The following ADGRV1 variants were observed in gnomAD, a reference collection of about 807,000 sequenced individuals.
The protein encoded by ADGRV1 is adhesion G protein-coupled receptor V1.
In ADGRV1, 359 loss-of-function variants were observed where a neutral mutation model predicts 596.2. The ratio of observed to expected loss-of-function variants is 0.60; its 90% CI spans 0.55 to 0.66. ADGRV1 has a LOEUF of 0.66. Ranked by LOEUF, ADGRV1 falls within the 30% of genes least tolerant of loss-of-function variation. The pLI, the probability that ADGRV1 is intolerant of heterozygous loss-of-function variation, is 0.00. For missense variants in ADGRV1, 7,274 were observed against 7,575.6 expected, an observed-to-expected ratio of 0.96 and a Z score of 1.48; for synonymous variants, 2,681 against 2,679.2, an observed-to-expected ratio of 1.00 and a Z score of -0.02.
At chr5:90,820,488 T>C (rs1763375231) in intron 75 of ADGRV1, among the ~76,000 whole-genome samples, 2 of 152,184 alleles carry the variant, frequency 1.3e-5, no homozygotes, top group Non-Finnish European at 2.9e-5. Flanking sequence ...TGCTCATTAG[T>C]TGATGCAGTT....
At chr5:90,911,250 C>A (rs1259159534) in intron 83 of ADGRV1, among the ~76,000 whole-genome samples, 4 of 152,060 alleles carry the variant, frequency 2.6e-5, no homozygotes, top group African/African-American at 9.7e-5. Context: ...AATGAGAATT[C>A]TATTTTTAAC....
intron 25 of ADGRV1, among the ~76,000 whole-genome samples, chr5:90,677,095 G>A (rs1744331307): frequency 6.6e-6 from 1 of 152,050 alleles, no homozygotes; most frequent in Admixed American, 6.6e-5. Context: ...AGATGATATG[G>A]TGTTTATCAG....
At chr5:90,809,071 C>T (rs112473987) in intron 73 of ADGRV1, among the ~76,000 whole-genome samples, 61 of 151,702 alleles carry the variant, frequency 4.0e-4, no homozygotes, top group African/African-American at 1.4e-3. Context: ...CTCAGCCTCC[C>T]GAGTAGCTGG....
chr5:90,983,923 C>T (rs1780283239), intron 84 of ADGRV1, among the ~76,000 whole-genome samples: 1 of 152,136 alleles, frequency 6.6e-6, no homozygotes, highest in Non-Finnish European at 1.5e-5. Flanking sequence ...GTAAATAAAA[C>T]ATCTGAAAGC....
At chr5:91,097,665 A>C (rs1790992739) in intron 86 of ADGRV1, among the ~76,000 whole-genome samples, 1 of 152,144 alleles carries the variant, frequency 6.6e-6, no homozygotes, top group Non-Finnish European at 1.5e-5. Context: ...TTTCCACGGC[A>C]GTTGTGCCAT....
At chr5:90,767,486 T>A (rs951463107) in intron 59 of ADGRV1, among the ~76,000 whole-genome samples, 2 of 152,106 alleles carry the variant, frequency 1.3e-5, no homozygotes, top group African/African-American at 4.8e-5. Flanking sequence ...AGAGACTATA[T>A]AAATGTCGAC....
chr5:91,060,359 C>T (rs867768524), intron 85 of ADGRV1, among the ~76,000 whole-genome samples: 2 of 144,782 alleles, frequency 1.4e-5, no homozygotes, highest in Non-Finnish European at 3.0e-5. Context: ...CCATGCCTGG[C>T]AATTTTATAT....
At chr5:90,681,170 G>A in intron 26 of ADGRV1, 145 bp from the exon 27 acceptor site, 1 of 841,576 alleles carries the variant, frequency 1.2e-6, no homozygotes. Context: ...ACCCATTTGT[G>A]TCTGCCTTTC....
intron 60 of ADGRV1, among the ~76,000 whole-genome samples, chr5:90,774,826 A>G (rs1459849794): frequency 1.3e-5 from 2 of 152,186 alleles, no homozygotes; most frequent in African/African-American, 4.8e-5. Context: ...TGAAATGTTA[A>G]TAGTGGTTTT....
At chr5:90,707,929 A>G (rs1748823539) in intron 38 of ADGRV1, among the ~76,000 whole-genome samples, 1 of 152,074 alleles carries the variant, frequency 6.6e-6, no homozygotes, top group Non-Finnish European at 1.5e-5. Flanking sequence ...GGACATTAAG[A>G]GTAGGCACAG....
At chr5:90,569,326 T>C (rs1231424604) in intron 1 of ADGRV1, among the ~76,000 whole-genome samples, 1 of 139,232 alleles carries the variant, frequency 7.2e-6, no homozygotes, top group Non-Finnish European at 1.5e-5. Flanking sequence ...TATAGTCACT[T>C]CAGCTTTCTT....
intron 87 of ADGRV1, among the ~76,000 whole-genome samples, chr5:91,112,072 G>A (rs1792420714): frequency 6.6e-6 from 1 of 152,242 alleles, no homozygotes; most frequent in South Asian, 2.1e-4. Context: ...GAGTGACAGT[G>A]TCTGACATTG....
intron 85 of ADGRV1, among the ~76,000 whole-genome samples, chr5:90,986,871 G>C (rs796252355): frequency 6.6e-6 from 1 of 152,132 alleles, no homozygotes; most frequent in African/African-American, 2.4e-5. Flanking sequence ...GAAGCAAGCC[G>C]TGGTGGCTAG....
chr5:90,775,442 G>T (rs1017324689), intron 60 of ADGRV1, among the ~76,000 whole-genome samples: 4 of 152,074 alleles, frequency 2.6e-5, no homozygotes, highest in African/African-American at 9.7e-5. Context: ...AAACATAGAA[G>T]AATATATGAT....
chr5:91,104,304 A>G (rs1791655249), intron 87 of ADGRV1, among the ~76,000 whole-genome samples: 1 of 152,184 alleles, frequency 6.6e-6, no homozygotes, highest in Admixed American at 6.5e-5. Context: ...TTTTCATTTT[A>G]TTGTTTAATT....
intron 1 of ADGRV1, among the ~76,000 whole-genome samples, chr5:90,595,166 A>AC (rs1392235181): frequency 5.0e-5 from 4 of 79,794 alleles, no homozygotes; most frequent in East Asian, 6.6e-4. Flanking sequence ...TGGGGGGCTG[A>AC]CCCCCCCACC....
intron 83 of ADGRV1, among the ~76,000 whole-genome samples, chr5:90,924,439 G>T (rs12515481): frequency 6.6e-6 from 1 of 151,330 alleles, no homozygotes; most frequent in East Asian, 1.9e-4. Flanking sequence ...CTTTTGAGAA[G>T]TGTCTGTTCA....
In ADGRV1 at chr5:91,153,373, T is replaced by C. The variant is rs1582237141; in HGVS notation, c.18777T>C (p.Asp6259=). The C allele has an allele frequency of 9.3e-6, 15 of 1,606,662 alleles. No homozygotes were observed. The highest frequency in any genetic ancestry group is 1.3e-5 in the Non-Finnish European group (15 of 1,176,144). The stretch of plus-strand genomic sequence containing the variant: ...CCGATGAGGAGTCCCAGGAGTTTGA[T>C]GATTTAATATTTGCATTAAAAACTG... The part of the protein sequence containing the change: ...LIADEESQEF[D]DLIFALKTGA... The change falls in exon 89 of 90, where the codon GAT becomes GAC. Residue 6259 remains aspartate (D), a synonymous_variant. Coordinates refer to ENST00000405460, the MANE Select transcript of ADGRV1 (RefSeq NM_032119.4).
At chr5:90,882,032 A>G (rs1769836199) in intron 83 of ADGRV1, among the ~76,000 whole-genome samples, 1 of 152,190 alleles carries the variant, frequency 6.6e-6, no homozygotes, top group Non-Finnish European at 1.5e-5. Flanking sequence ...TTTGAAAACA[A>G]ACCAACATTT....
Sources: allele counts gnomAD v4.1 joint callset (sites outside exome capture counted in the v4.1 genomes callset), GRCh38; gene constraint gnomAD v4.1.1; transcripts MANE v1.5; gene names NCBI Gene and HGNC (gene_info 2026-07-23, HGNC 2026-07-21).